The following CFAP20DC variants were observed in gnomAD, a reference collection of about 807,000 sequenced individuals.
CFAP20DC encodes CFAP20 domain containing.
Under a neutral mutation model 101.7 loss-of-function variants are expected in CFAP20DC, and 84 were observed. The observed-to-expected ratio is 0.83, with a 90% CI of 0.69 to 0.99. CFAP20DC has a LOEUF of 0.99. Ranked by LOEUF, CFAP20DC falls within the 50% of genes least tolerant of loss-of-function variation. CFAP20DC has a pLI of 0.00. For missense variants in CFAP20DC, 1,007 were observed against 970.3 expected (o/e 1.04, Z -0.50); for synonymous variants, 359 against 351.2 (o/e 1.02, Z -0.25).
intron 6 of CFAP20DC, among the ~76,000 whole-genome samples, chr3:58,902,729 C>T (rs187704674): frequency 9.9e-5 from 15 of 152,264 alleles, no homozygotes; most frequent in Non-Finnish European, 1.8e-4. Context: ...TCTGCAGATG[C>T]TCAAGTCCCT....
rs2067656929 is a variant in CFAP20DC at position 58,732,100 on chromosome 3, T to A, written c.198-14472A>T. 6.6e-6 allele frequency among the ~76,000 whole-genome samples: 1 copy of A among 152,100 alleles called. No homozygotes were observed. ...GCTCAATAAATGGTTGTGCTGACAA[T>A]AAAGATGATGAGGACAATCATCAAG... On this transcript the variant is annotated intron_variant, in intron 3 of 3. Coordinates refer to the CFAP20DC transcript ENST00000486145. The surrounding 1 kb of genome is among the most constrained non-coding windows in gnomAD (Gnocchi z 5.4).
intron 13 of CFAP20DC, 53 bp from the exon 14 acceptor site, chr3:58,831,942 T>C (rs1350265963): frequency 1.3e-5 from 19 of 1,485,722 alleles, no homozygotes; most frequent in Admixed American, 3.4e-5. Flanking sequence ...ATTCTACGGC[T>C]ACTAACAAAT....
chr3:58,924,052 C>T (rs1247581856), intron 5 of CFAP20DC, among the ~76,000 whole-genome samples: 5 of 151,928 alleles, frequency 3.3e-5, no homozygotes, highest in East Asian at 1.9e-4. Context: ...TTTCAGATAC[C>T]GTATTTTTTT....
At chr3:58,952,589 C>G (rs539750563) in intron 4 of CFAP20DC, among the ~76,000 whole-genome samples, 8 of 152,038 alleles carry the variant, frequency 5.3e-5, no homozygotes, top group Non-Finnish European at 1.0e-4. Context: ...CCTATGTAAT[C>G]CTCTCTCTAT....
intron 6 of CFAP20DC, among the ~76,000 whole-genome samples, chr3:58,910,478 TC>T (rs1438329310): frequency 1.3e-5 from 2 of 152,134 alleles, no homozygotes; most frequent in Non-Finnish European, 2.9e-5. Context: ...AAGTTAGATA[TC>T]ATTCTTATTC....
chr3:58,812,121 C>T (rs1363144482), intron 14 of CFAP20DC, among the ~76,000 whole-genome samples: 3 of 152,084 alleles, frequency 2.0e-5, no homozygotes, highest in South Asian at 2.1e-4. Flanking sequence ...TGTAAACTAG[C>T]TCGACCATTG....
intron 4 of CFAP20DC, among the ~76,000 whole-genome samples, chr3:59,025,024 C>G (rs1298716898): frequency 6.6e-6 from 1 of 152,110 alleles, no homozygotes; most frequent in Non-Finnish European, 1.5e-5. Flanking sequence ...AATGAGAAAG[C>G]CCTGTTTATT....
intron 15 of CFAP20DC, among the ~76,000 whole-genome samples, chr3:58,790,561 G>T (rs1305927357): frequency 6.6e-6 from 1 of 152,202 alleles, no homozygotes; most frequent in African/African-American, 2.4e-5. Context: ...AAAAGGACAT[G>T]TGGATCCATG....
intron 15 of CFAP20DC, among the ~76,000 whole-genome samples, chr3:58,789,853 CCAT>C (rs2072703330): frequency 6.6e-6 from 1 of 152,028 alleles, no homozygotes; most frequent in African/African-American, 2.4e-5. Context: ...CACCAGGCTA[CCAT>C]CATCATAATT....
At chr3:58,834,723 T>G (rs2076621862) in intron 13 of CFAP20DC, among the ~76,000 whole-genome samples, 1 of 152,144 alleles carries the variant, frequency 6.6e-6, no homozygotes, top group Non-Finnish European at 1.5e-5. Context: ...CTAAATGAAA[T>G]AATATTACAT....
chr3:58,939,243 C>T (rs1168296451), intron 4 of CFAP20DC, among the ~76,000 whole-genome samples: 1 of 151,952 alleles, frequency 6.6e-6, no homozygotes, highest in Non-Finnish European at 1.5e-5. Context: ...TAATGGGGTA[C>T]AGGATCAAAT....
At chr3:58,862,945 T>C (rs1313149768) in intron 12 of CFAP20DC, 1 of 972,496 alleles carries the variant, frequency 1.0e-6, no homozygotes, top group Non-Finnish European at 1.2e-6. Flanking sequence ...TTTGAAACAT[T>C]TTAAAACTTT....
rs1008072177 is a variant in CFAP20DC, at chr3:58,721,340, T to C, written c.198-3712A>G. Among the ~76,000 whole-genome samples, 1 of 152,114 alleles carries C rather than the reference T, an allele frequency of 6.6e-6. No individual in the cohort carries two copies. Among genetic ancestry groups the C allele is most frequent in the Admixed American group, 6.5e-5 (1 of 15,276 alleles). ...TTATCAATGGTCACCAAAATCAGAGTTAATGACCTCATGGAGTTTATAGTC... is the reference window on the plus strand; with the variant it reads ...TTATCAATGGTCACCAAAATCAGAGCTAATGACCTCATGGAGTTTATAGTC... On this transcript the variant is annotated intron_variant, in intron 3 of 3. Coordinates refer to the CFAP20DC transcript ENST00000486145. This position sits in a 1 kb window ranked among gnomAD's most constrained non-coding sequence, Gnocchi z 5.2.
In CFAP20DC at chr3:58,849,239, C is replaced by G. The variant is rs560885820; in HGVS notation, c.1764G>C (p.Glu588Asp). 10 of 1,535,950 alleles carry G rather than the reference C, an allele frequency of 6.5e-6. No homozygotes were observed. The highest frequency in any genetic ancestry group is 8.7e-6 in the Non-Finnish European group (10 of 1,146,902). ...GATESQDSSM[E>D]QIDRNNFEMS... ...TTTCAAAGTTATTTCTATCTATTTG[C>G]TCCATCGAGGAATCCTGGCTTTCTG... The change falls in exon 13 of 17, where the codon GAG becomes GAC. Residue 588 changes from glutamate to aspartate, a missense_variant. Physicochemically the swap from Glu to Asp is conservative, Grantham distance 45. Coordinates refer to ENST00000482387, the MANE Select transcript of CFAP20DC (RefSeq NM_001394063.1).
chr3:58,830,444 A>G (rs1284826889), intron 14 of CFAP20DC, among the ~76,000 whole-genome samples: 1 of 152,176 alleles, frequency 6.6e-6, no homozygotes, highest in African/African-American at 2.4e-5. Context: ...AGTGCTTACC[A>G]CACAGAGTAG....
At chr3:58,816,381 G>C (rs547523929) in intron 14 of CFAP20DC, among the ~76,000 whole-genome samples, 1 of 152,250 alleles carries the variant, frequency 6.6e-6, no homozygotes, top group East Asian at 1.9e-4. Context: ...CTGAGGTACC[G>C]GGTTTATCTC....
chr3:58,842,357 C>A (rs1025338006), intron 13 of CFAP20DC, among the ~76,000 whole-genome samples: 10 of 152,146 alleles, frequency 6.6e-5, no homozygotes, highest in African/African-American at 1.9e-4. Flanking sequence ...ACCTGGGAAG[C>A]GCAAGGGGTC....
intron 14 of CFAP20DC, among the ~76,000 whole-genome samples, chr3:58,813,615 A>C (rs1161176076): frequency 6.6e-6 from 1 of 151,876 alleles, no homozygotes; most frequent in Non-Finnish European, 1.5e-5. Context: ...CATTAAAAGA[A>C]GTCTCAAAAT....
At chr3:58,938,709 C>G (rs899339712) in intron 4 of CFAP20DC, among the ~76,000 whole-genome samples, 2 of 152,028 alleles carry the variant, frequency 1.3e-5, no homozygotes, top group African/African-American at 4.8e-5. Flanking sequence ...TCCGTTCCCC[C>G]TCCTTCCCAC....
Sources: gnomAD v4.1 joint callset for allele counts (sites outside exome capture counted in the v4.1 genomes callset) on GRCh38, gnomAD v4.1.1 for gene constraint, Gnocchi (gnomAD v3.1) non-coding constraint, MANE v1.5 for transcripts, NCBI Gene and HGNC (gene_info 2026-07-23, HGNC 2026-07-21) for gene names.